Variants in GRIP1 observed in about 807,000 individuals in gnomAD.
GRIP1 encodes glutamate receptor-interacting protein 1.
Under a neutral mutation model 129.9 loss-of-function variants are expected in GRIP1, and 45 were observed. The ratio of observed to expected loss-of-function variants is 0.35; its 90% CI spans 0.27 to 0.44. GRIP1 has a LOEUF of 0.44. Ranked by LOEUF, GRIP1 falls within the 20% of genes least tolerant of loss-of-function variation. The pLI, the probability that GRIP1 is intolerant of heterozygous loss-of-function variation, is 1.00. For synonymous variants in GRIP1, 530 were observed against 520.8 expected, an observed-to-expected ratio of 1.02 and a Z score of -0.24; for missense variants, 1,196 against 1,396.8, an observed-to-expected ratio of 0.86 and a Z score of 2.29.
chr12:66,374,919 A>AAAT (rs2055713283), intron 22 of GRIP1, among the ~76,000 whole-genome samples: 1 of 152,184 alleles, frequency 6.6e-6, no homozygotes, highest in Non-Finnish European at 1.5e-5. Flanking sequence ...AAAAGCTAAA[A>AAAT]AATAATTATT....
intron 1 of GRIP1, among the ~76,000 whole-genome samples, chr12:66,644,725 GCAAGAATTCTCATTTACT>G (rs1321104029): frequency 6.6e-6 from 1 of 152,140 alleles, no homozygotes; most frequent in Admixed American, 6.5e-5. Flanking sequence ...TGTCTGACTT[GCAAGAATTCTCATTTACT>G]CATTTAATTC....
chr12:66,633,323 A>ACTATAC (rs935979110), intron 1 of GRIP1, among the ~76,000 whole-genome samples: 2 of 137,616 alleles, frequency 1.5e-5, no homozygotes, highest in African/African-American at 2.7e-5. Flanking sequence ...ACTATACTAT[A>ACTATAC]TATATATAGT....
chr12:66,406,225 C>G, intron 16 of GRIP1, 58 bp downstream of exon 16: 2 of 1,529,636 alleles, frequency 1.3e-6, no homozygotes, highest in Non-Finnish European at 1.8e-6. Context: ...GATCTAATAT[C>G]TTTGGTGACA....
At chr12:67,059,356 T>C (rs564379276) in intron 1 of GRIP1, among the ~76,000 whole-genome samples, 5 of 152,098 alleles carry the variant, frequency 3.3e-5, no homozygotes, top group African/African-American at 1.2e-4. Context: ...CATTCAAAGA[T>C]CAAATAGGAA....
At chr12:66,850,107 C>T (rs1382596422) in intron 1 of GRIP1, among the ~76,000 whole-genome samples, 1 of 151,930 alleles carries the variant, frequency 6.6e-6, no homozygotes, top group South Asian at 2.1e-4. Context: ...GAACGGTAAT[C>T]GGTTAAAGAG....
chr12:66,868,409 C>T (rs189094701), intron 1 of GRIP1, among the ~76,000 whole-genome samples: 38 of 152,152 alleles, frequency 2.5e-4, no homozygotes, highest in African/African-American at 8.9e-4. Flanking sequence ...GTCATCTCAA[C>T]GAATCCTCTC....
intron 18 of GRIP1, 63 bp downstream of exon 18, chr12:66,392,614 C>T: frequency 6.3e-7 from 1 of 1,586,960 alleles, no homozygotes; most frequent in Non-Finnish European, 8.7e-7. Flanking sequence ...GACACTAGCA[C>T]ATTCTTTCAA....
At chr12:66,699,693 C>A (rs969881633) in intron 1 of GRIP1, among the ~76,000 whole-genome samples, 2 of 152,190 alleles carry the variant, frequency 1.3e-5, no homozygotes, top group African/African-American at 4.8e-5. Context: ...ATAATGGAAT[C>A]AGGCAGATGG....
intron 1 of GRIP1, among the ~76,000 whole-genome samples, chr12:66,792,209 T>C: frequency 6.6e-6 from 1 of 152,178 alleles, no homozygotes; most frequent in African/African-American, 2.4e-5. Flanking sequence ...GCTTAATATT[T>C]GCACTTTGTT....
At chr12:66,567,221 T>C (rs555915662) in intron 2 of GRIP1, among the ~76,000 whole-genome samples, 4 of 152,260 alleles carry the variant, frequency 2.6e-5, no homozygotes, top group African/African-American at 9.6e-5. Context: ...GATGTTAGGG[T>C]ATCGATTTTA....
chr12:66,986,591 C>T (rs1412968323), intron 1 of GRIP1, among the ~76,000 whole-genome samples: 2 of 148,882 alleles, frequency 1.3e-5, no homozygotes, highest in Non-Finnish European at 3.0e-5. Context: ...AAAAACCAAA[C>T]ACCGCATGTT....
chr12:67,010,848 AGGTTT>A (rs2042696283), intron 1 of GRIP1, among the ~76,000 whole-genome samples: 1 of 151,870 alleles, frequency 6.6e-6, no homozygotes, highest in African/African-American at 2.4e-5. Flanking sequence ...CAACTCTCCT[AGGTTT>A]CTGCCTACTC....
At chr12:66,449,158 T>G (rs2058708208) in intron 11 of GRIP1, among the ~76,000 whole-genome samples, 1 of 152,186 alleles carries the variant, frequency 6.6e-6, no homozygotes, top group Non-Finnish European at 1.5e-5. Context: ...ATTTATCAGG[T>G]CTCTATATGC....
At chr12:66,643,406 C>T (rs570607000) in intron 1 of GRIP1, among the ~76,000 whole-genome samples, 2 of 152,204 alleles carry the variant, frequency 1.3e-5, no homozygotes, top group South Asian at 2.1e-4. Context: ...ATAAAGATAT[C>T]AAACTATTTT....
chr12:66,894,392 T>G (rs984100727), intron 1 of GRIP1, among the ~76,000 whole-genome samples: 14 of 152,188 alleles, frequency 9.2e-5, no homozygotes, highest in African/African-American at 3.1e-4. Context: ...ATTCTCTTCT[T>G]AGATTCTGAG....
chr12:66,766,395 C>T (rs1250083197), intron 1 of GRIP1, among the ~76,000 whole-genome samples: 3 of 152,196 alleles, frequency 2.0e-5, no homozygotes, highest in East Asian at 3.9e-4. Flanking sequence ...CCAGGGACAG[C>T]TGGCACTCCC....
rs1398703835 is a variant in GRIP1, at chr12:66,785,325, TACATAC to T, written c.-420+18722_-420+18727del. 2.7e-3 allele frequency among the ~76,000 whole-genome samples: 141 copies of T among 52,142 alleles called. 4 individuals carry two copies. Among genetic ancestry groups the T allele is most frequent in the African/African-American group, 8.7e-3 (135 of 15,556 alleles). 34.2% of individuals were successfully genotyped at this position (52,142 alleles called of 152,430 possible). ...AATTTAACATACATACATACATACA[TACATAC>T]ATACATACATACATATATATATATA... is the stretch of plus-strand genomic sequence containing the variant. On this transcript the variant is annotated intron_variant, in intron 1 of 4. Transcript: ENST00000538373.
Position 66,679,043 on chromosome 12 carries a change from C to T in GRIP1, c.-139G>A. On this transcript the variant is annotated 5_prime_UTR_variant, in exon 1 of 25. Transcript: ENST00000359742. Reference sequence around the variant, plus strand: ...TGGGGAGTGACAAAGCTTAATTCCTCTTGGCTGATGCAGAGGTCCGCTACA... The same window carrying T: ...TGGGGAGTGACAAAGCTTAATTCCTTTTGGCTGATGCAGAGGTCCGCTACA... 6.5e-7 allele frequency: 1 copy of T among 1,546,412 alleles called. No individual in the cohort carries two copies. The highest frequency in any genetic ancestry group is 1.2e-5 in the South Asian group (1 of 84,464).
intron 1 of GRIP1, among the ~76,000 whole-genome samples, chr12:66,832,270 C>T (rs2039533071): frequency 6.6e-6 from 1 of 152,130 alleles, no homozygotes; most frequent in African/African-American, 2.4e-5. Flanking sequence ...GTAATCGATT[C>T]GAATGTCAGA....
Sources: gnomAD v4.1 joint callset for allele counts (sites outside exome capture counted in the v4.1 genomes callset) on GRCh38, gnomAD v4.1.1 for gene constraint, MANE v1.5 for transcripts, NCBI Gene and HGNC (gene_info 2026-07-23, HGNC 2026-07-21) for gene names.